Variants in ZNF83 observed in about 807,000 individuals in gnomAD.
The protein encoded by ZNF83 is zinc finger protein 816B.
For missense variants in ZNF83, 552 were observed against 629.9 expected (o/e 0.88, Z 1.32); for synonymous variants, 209 against 213.0 (o/e 0.98, Z 0.17).
At chr19:52,614,580 G>A in exon 3 of ZNF83, 1 of 1,562,956 alleles carries the variant, frequency 6.4e-7, no homozygotes, top group South Asian at 1.2e-5. Context: ...TTCTACCAAT[G>A]AGACTTTCCT....
At chr19:52,647,202 T>C (rs2061383270) in intron 3 of ZNF83, among the ~76,000 whole-genome samples, 1 of 152,184 alleles carries the variant, frequency 6.6e-6, no homozygotes. Flanking sequence ...TAAATCACTA[T>C]CCTGTGGCTG....
chr19:52,633,193 G>A (rs746013319), intron 2 of ZNF83, among the ~76,000 whole-genome samples: 14 of 151,706 alleles, frequency 9.2e-5, no homozygotes, highest in Non-Finnish European at 1.8e-4. Context: ...TCCCCTACTG[G>A]GCACCTTGTG....
chr19:52,631,939 C>CCT (rs1568548286), intron 2 of ZNF83, among the ~76,000 whole-genome samples: 1 of 147,374 alleles, frequency 6.8e-6, no homozygotes, highest in African/African-American at 2.5e-5. Flanking sequence ...ATTCAGGCCC[C>CCT]CCTCCCTTCC....
chr19:52,613,209 AGTG>A, exon 3 of ZNF83: 1 of 1,614,096 alleles, frequency 6.2e-7, no homozygotes, highest in Non-Finnish European at 8.5e-7. Flanking sequence ...GTTTCTCTCC[AGTG>A]TGAATTTTCC....
chr19:52,626,332 G>A (rs1255528639), intron 2 of ZNF83, among the ~76,000 whole-genome samples: 1 of 152,196 alleles, frequency 6.6e-6, no homozygotes, highest in Admixed American at 6.5e-5. Context: ...CAAAATTGCT[G>A]AGGCCTGGAC....
At chr19:52,678,280 G>A (rs1244311264) in intron 1 of ZNF83, among the ~76,000 whole-genome samples, 1 of 150,776 alleles carries the variant, frequency 6.6e-6, no homozygotes, top group African/African-American at 2.4e-5. Context: ...GTGAAACCCC[G>A]TCTTACTAAA....
At chr19:52,643,829 C>A (rs2061338861) in intron 3 of ZNF83, among the ~76,000 whole-genome samples, 2 of 152,290 alleles carry the variant, frequency 1.3e-5, no homozygotes, top group African/African-American at 4.8e-5. Flanking sequence ...AGGGACAGTG[C>A]TGTCATCATT....
chr19:52,633,927 A>C lies in ZNF83; in HGVS notation c.-234+1139T>G, dbSNP rs532331333. ...CTCTCTCAAAATAAATAAATAAATA[A>C]CAAATATATACATCATGTGATGTTC... On this transcript the variant is annotated intron_variant, in intron 2 of 2. Transcript: ENST00000301096. 4.6e-4 allele frequency among the ~76,000 whole-genome samples: 70 copies of C among 152,194 alleles called. No individual in the cohort carries two copies. The South Asian group carries it at 7.5e-3, about 16-fold the overall frequency.
chr19:52,660,773 C>A, exon 2 of ZNF83: 1 of 213,358 alleles, frequency 4.7e-6, no homozygotes. Flanking sequence ...TGAGGAAGAG[C>A]CATCCTTGTC....
intron 1 of ZNF83, among the ~76,000 whole-genome samples, chr19:52,688,965 AAAAAAAAG>A (rs1188691433): frequency 1.3e-5 from 2 of 151,812 alleles, no homozygotes; most frequent in African/African-American, 2.4e-5. Context: ...AAAAAAAAAA[AAAAAAAAG>A]AGAGAGATTA....
intron 1 of ZNF83, among the ~76,000 whole-genome samples, chr19:52,687,629 T>TAA (rs1353424449): frequency 6.0e-5 from 1 of 16,688 alleles, no homozygotes; most frequent in Non-Finnish European, 1.0e-4. Flanking sequence ...TATATATATA[T>TAA]AATGTATATA....
At chr19:52,627,058 C>A (rs1248256223) in intron 2 of ZNF83, among the ~76,000 whole-genome samples, 2 of 152,092 alleles carry the variant, frequency 1.3e-5, no homozygotes, top group East Asian at 3.9e-4. Flanking sequence ...ATCGATCGAC[C>A]TTGAGAAATT....
chr19:52,686,908 G>A (rs2062026010), intron 1 of ZNF83, among the ~76,000 whole-genome samples: 1 of 152,130 alleles, frequency 6.6e-6, no homozygotes, highest in South Asian at 2.1e-4. Flanking sequence ...TGGGCTGGGT[G>A]CAGTGGCTCA....
intron 2 of ZNF83, among the ~76,000 whole-genome samples, chr19:52,620,254 C>CTGTG (rs200450539): frequency 1.2e-3 from 158 of 134,414 alleles, no homozygotes; most frequent in African/African-American, 4.3e-3. Context: ...GTGTGTATAT[C>CTGTG]TGTGTGTGTA....
intron 3 of ZNF83, among the ~76,000 whole-genome samples, chr19:52,644,359 C>A (rs1270283552): frequency 2.0e-5 from 3 of 152,108 alleles, no homozygotes; most frequent in Non-Finnish European, 4.4e-5. Flanking sequence ...CTGCAAGTTG[C>A]AGGGAGGCTC....
chr19:52,664,382 G>T (rs1408460910), intron 1 of ZNF83, among the ~76,000 whole-genome samples: 1 of 152,008 alleles, frequency 6.6e-6, no homozygotes, highest in African/African-American at 2.4e-5. Context: ...TGTGGTCCCA[G>T]CTACTCTGGA....
At chr19:52,633,905 T>G (rs1190049597) in intron 2 of ZNF83, among the ~76,000 whole-genome samples, 1 of 151,010 alleles carries the variant, frequency 6.6e-6, no homozygotes, top group Non-Finnish European at 1.5e-5. Context: ...AGTGAAACTC[T>G]CTCAAAATAA....
At chr19:52,631,583 T>C in intron 2 of ZNF83, among the ~76,000 whole-genome samples, 1 of 152,244 alleles carries the variant, frequency 6.6e-6, no homozygotes, top group East Asian at 1.9e-4. Context: ...CACTCTTTGT[T>C]AAGTCCCACA....
At chr19:52,654,059 G>C (rs1369680378) in intron 3 of ZNF83, 2 of 1,591,854 alleles carry the variant, frequency 1.3e-6, no homozygotes, top group African/African-American at 2.7e-5. Flanking sequence ...TTCTCCACTT[G>C]ATTATCAATT....
Sources: allele counts gnomAD v4.1 joint callset (sites outside exome capture counted in the v4.1 genomes callset), GRCh38; gene constraint gnomAD v4.1.1; transcripts MANE v1.5; gene names NCBI Gene and HGNC (gene_info 2026-07-23, HGNC 2026-07-21).